The following RUFY3 variants were observed in gnomAD, a reference collection of about 807,000 sequenced individuals.
RUFY3 encodes protein RUFY3.
A neutral mutation model predicts 84.0 loss-of-function variants in RUFY3; 34 were observed. That is an observed-to-expected ratio of 0.40 (90% confidence interval 0.31 to 0.54). The LOEUF (loss-of-function observed/expected upper bound fraction) is 0.54, where lower values mean the gene tolerates loss of function less well. Among genes scored for constraint, RUFY3 ranks in the 20% least tolerant of loss-of-function variants. The pLI is 0.39. For missense variants in RUFY3, 507 were observed against 736.8 expected (o/e 0.69, Z 3.61); for synonymous variants, 242 against 252.9 (o/e 0.96, Z 0.41).
At chr4:70,714,387 A>G (rs978634349) in intron 1 of RUFY3, among the ~76,000 whole-genome samples, 1 of 152,238 alleles carries the variant, frequency 6.6e-6, no homozygotes, top group Non-Finnish European at 1.5e-5. Flanking sequence ...TCCATTTATA[A>G]CAGACATTAA....
intron 1 of RUFY3, among the ~76,000 whole-genome samples, chr4:70,726,930 A>G (rs1457922483): frequency 6.6e-6 from 1 of 151,436 alleles, no homozygotes; most frequent in Non-Finnish European, 1.5e-5. Flanking sequence ...TAGAAAATTC[A>G]TTTTGCATTT....
rs1043906 is a variant in RUFY3 at position 70,807,094 on chromosome 4, T to C, written c.*435T>C. On this transcript the variant is annotated 3_prime_UTR_variant, in exon 18 of 18. Coordinates refer to ENST00000381006, the MANE Select transcript of RUFY3 (RefSeq NM_001037442.4). Reference sequence around the variant, plus strand: ...CTGAGATCAAAATGACAGTTGTTACTTATTTTTCCAGGTGCTGTTAGTATA... The same window carrying C: ...CTGAGATCAAAATGACAGTTGTTACCTATTTTTCCAGGTGCTGTTAGTATA... 10,784 of 153,078 alleles carry C rather than the reference T, an allele frequency of 0.07. 975 individuals carry two copies. The highest frequency in any genetic ancestry group is 0.21 in the African/African-American group (8,878 of 41,542). 9.5% of individuals were successfully genotyped at this position (153,078 alleles called of 1,614,324 possible).
intron 9 of RUFY3, 27 bp downstream of exon 9, chr4:70,783,210 T>C (rs775930187): frequency 2.6e-5 from 37 of 1,397,712 alleles, no homozygotes; most frequent in Non-Finnish European, 3.7e-5. Flanking sequence ...TTATAAAATA[T>C]TCACTGAGAG....
intron 10 of RUFY3, among the ~76,000 whole-genome samples, chr4:70,788,493 C>CA (rs1302017571): frequency 2.0e-5 from 3 of 151,992 alleles, no homozygotes; most frequent in Non-Finnish European, 2.9e-5. Flanking sequence ...AAGATATGAC[C>CA]ATCAGTTGTC....
At chr4:70,739,058 TA>T (rs1425454907) in intron 1 of RUFY3, among the ~76,000 whole-genome samples, 1 of 151,616 alleles carries the variant, frequency 6.6e-6, no homozygotes, top group Non-Finnish European at 1.5e-5. Flanking sequence ...CTTAATGTGT[TA>T]CCTTTTCTAG....
intron 1 of RUFY3, among the ~76,000 whole-genome samples, chr4:70,728,828 T>C (rs1718734015): frequency 6.6e-6 from 1 of 152,122 alleles, no homozygotes; most frequent in Non-Finnish European, 1.5e-5. Context: ...TTTTTTTAAA[T>C]AAGACTTTTT....
upstream of RUFY3, among the ~76,000 whole-genome samples, chr4:70,719,108 C>T (rs1233289723): frequency 6.6e-6 from 1 of 152,210 alleles, no homozygotes; most frequent in Non-Finnish European, 1.5e-5. Context: ...GCTGAAGACT[C>T]AATGGTGTTT....
chr4:70,792,166 C>T (rs1730932661), intron 12 of RUFY3: 2 of 984,944 alleles, frequency 2.0e-6, no homozygotes, highest in South Asian at 4.7e-5. Context: ...TCGTATCCTG[C>T]TTTTCTTATA....
At chr4:70,786,129 T>C (rs1365536273) in intron 10 of RUFY3, among the ~76,000 whole-genome samples, 2 of 152,184 alleles carry the variant, frequency 1.3e-5, no homozygotes, top group Non-Finnish European at 2.9e-5. Flanking sequence ...GGACATTATG[T>C]GAAGTGTAGT....
At chr4:70,801,869 C>T (rs925286286) in intron 15 of RUFY3, among the ~76,000 whole-genome samples, 4 of 152,220 alleles carry the variant, frequency 2.6e-5, no homozygotes, top group Non-Finnish European at 5.9e-5. Context: ...AGGTGCCTTT[C>T]AGGGTCAGCC....
chr4:70,785,694 G>A (rs1164446244), intron 10 of RUFY3, among the ~76,000 whole-genome samples: 1 of 151,350 alleles, frequency 6.6e-6, no homozygotes, highest in African/African-American at 2.4e-5. Flanking sequence ...AAAATCAGCC[G>A]GGCATGGTGG....
Position 70,795,037 on chromosome 4 carries a change from A to C in RUFY3, c.1557+143A>C, listed in dbSNP as rs1731331725. 5.0e-5 allele frequency: 31 copies of C among 619,816 alleles called. No homozygotes were observed. In the East Asian group the frequency reaches 8.5e-4, roughly 17 times the overall value. The allele number at this position is 619,816 out of a possible 1,614,324, so 38.4% of individuals were successfully genotyped here. A position where few individuals can be genotyped will look rare whatever the true frequency, so the allele number is the denominator to read the frequency against. On this transcript the variant is annotated intron_variant, in intron 14 of 17. Transcript: ENST00000381006. ...GTATGTAGATAGCAAACTAGTAATT[A>C]TGTGAACAAATGAAAGCTTGATTCT... is the stretch of plus-strand genomic sequence containing the variant.
At chr4:70,726,667 C>T (rs571295754) in intron 1 of RUFY3, among the ~76,000 whole-genome samples, 1 of 152,358 alleles carries the variant, frequency 6.6e-6, no homozygotes, top group African/African-American at 2.4e-5. Flanking sequence ...CCACCGTGCC[C>T]CGCCCATTAC....
chr4:70,768,458 T>C (rs530650034), intron 4 of RUFY3, 80 bp from the exon 5 acceptor site: 100 of 1,397,830 alleles, frequency 7.2e-5, no homozygotes, highest in Admixed American at 1.2e-4. Context: ...GATTCAACCA[T>C]GAATCAACCA....
chr4:70,754,855 A>G (rs553476391), intron 1 of RUFY3, among the ~76,000 whole-genome samples: 2 of 151,538 alleles, frequency 1.3e-5, no homozygotes, highest in African/African-American at 4.8e-5. Context: ...TTTTCTTTCT[A>G]TATGTTTCTG....
intron 1 of RUFY3, among the ~76,000 whole-genome samples, chr4:70,744,373 T>TGTAA (rs1033418172): frequency 2.3e-4 from 34 of 151,110 alleles, no homozygotes; most frequent in African/African-American, 7.8e-4. Flanking sequence ...TATGTATGTA[T>TGTAA]GTATGTATGT....
chr4:70,762,410 C>G, intron 1 of RUFY3, 109 bp from the exon 2 acceptor site: 1 of 937,326 alleles, frequency 1.1e-6, no homozygotes, highest in South Asian at 2.0e-5. Context: ...AGGAAACTGG[C>G]ATTTTTTTTC....
chr4:70,768,027 G>C (rs937954070), intron 4 of RUFY3, among the ~76,000 whole-genome samples: 1 of 152,030 alleles, frequency 6.6e-6, no homozygotes, highest in Admixed American at 6.6e-5. Flanking sequence ...TAGAGATGGG[G>C]TCTTACTATG....
intron 5 of RUFY3, 88 bp downstream of exon 5, chr4:70,768,749 AG>A (rs1343386415): frequency 8.1e-7 from 1 of 1,238,372 alleles, no homozygotes; most frequent in African/African-American, 1.5e-5. Flanking sequence ...CAACCAAATT[AG>A]GCCATATTCT....
Sources: gnomAD v4.1 joint callset for allele counts (sites outside exome capture counted in the v4.1 genomes callset) on GRCh38, gnomAD v4.1.1 for gene constraint, MANE v1.5 for transcripts, NCBI Gene and HGNC (gene_info 2026-07-23, HGNC 2026-07-21) for gene names.